Variants in ACER2 observed in about 807,000 individuals in gnomAD.
ACER2 encodes alkaline ceramidase 2, also known as alkCDase 2.
In ACER2, 26 loss-of-function variants were observed where a neutral mutation model predicts 34.7. That is an observed-to-expected ratio of 0.75 (90% CI 0.55 to 1.04). ACER2 has a LOEUF of 1.04. Ranked by LOEUF, ACER2 falls within the 50% of genes least tolerant of loss-of-function variation. The probability of loss-of-function intolerance (pLI) is 0.00; values close to 1 mark genes in which losing one functional copy is unlikely to be tolerated. For missense variants in ACER2, 352 were observed against 340.8 expected, an observed-to-expected ratio of 1.03 and a Z score of -0.26; for synonymous variants, 138 against 132.1, an observed-to-expected ratio of 1.04 and a Z score of -0.31.
At chr9:19,424,025 G>T (rs750587260) in intron 2 of ACER2, 49 bp downstream of exon 2, 10 of 1,388,000 alleles carry the variant, frequency 7.2e-6, no homozygotes, top group African/African-American at 1.4e-5. Context: ...GGTGGGATGG[G>T]GGTAGAAGGA....
intron 3 of ACER2, 43 bp from the exon 4 acceptor site, chr9:19,434,904 A>T: frequency 1.2e-6 from 2 of 1,609,718 alleles, no homozygotes; most frequent in Non-Finnish European, 1.7e-6. Context: ...AACAAACAAG[A>T]ACTCCTTTTC....
Position 19,409,039 on chromosome 9 carries a change from C to G in ACER2, c.-46C>G. 1 of 1,496,276 alleles carries G rather than the reference C, an allele frequency of 6.7e-7. No homozygotes were observed. The highest frequency in any genetic ancestry group is 9.0e-7 in the Non-Finnish European group (1 of 1,113,222). 92.7% of individuals were successfully genotyped at this position (1,496,276 alleles called of 1,614,324 possible). On this transcript the variant is annotated 5_prime_UTR_variant, in exon 1 of 6. Transcript: ENST00000340967. ...GTTTTGCCTCCGCAGCAGCTCTGGG[C>G]TCTTCTCAGCTGCGCGAGCAGCTGC...
At position 19,450,545 on chromosome 9, in the gene ACER2, A is replaced by T. The variant is rs778659170; in HGVS notation, c.737A>T (p.Lys246Met). Reference protein sequence around the residue: ...SEIPEQGPVIKFWPNEKWAFI... With the variant: ...SEIPEQGPVIMFWPNEKWAFI... ...ATTCCTGAGCAAGGCCCTGTCATCA[A>T]GTTCTGGCCCAATGAGAAATGGGCC... The change falls in exon 6 of 6, where the codon AAG becomes ATG. Residue 246 changes from lysine to methionine, a missense_variant. By Grantham distance (95) the Lys-to-Met change is moderately conservative (BLOSUM62 -1). Coordinates refer to ENST00000340967, the MANE Select transcript of ACER2 (RefSeq NM_001010887.3). The T allele has an allele frequency of 1.2e-6, 2 of 1,611,958 alleles. No homozygotes were observed. The highest frequency in any genetic ancestry group is 1.7e-6 in the Non-Finnish European group (2 of 1,178,322).
intron 1 of ACER2, among the ~76,000 whole-genome samples, chr9:19,420,489 C>T (rs971948679): frequency 6.6e-6 from 1 of 152,166 alleles, no homozygotes; most frequent in Admixed American, 6.6e-5. Flanking sequence ...CGCTTCATAT[C>T]TTCTAAAATA....
intron 4 of ACER2, among the ~76,000 whole-genome samples, chr9:19,438,777 TTTTG>T (rs980688148): frequency 7.9e-5 from 12 of 152,276 alleles, no homozygotes; most frequent in East Asian, 3.9e-4. Flanking sequence ...GGGAAAGGTT[TTTTG>T]TTTGTTTGTT....
At chr9:19,435,720 C>G (rs1377078869) in intron 4 of ACER2, among the ~76,000 whole-genome samples, 1 of 151,788 alleles carries the variant, frequency 6.6e-6, no homozygotes, top group Non-Finnish European at 1.5e-5. Flanking sequence ...CTGCTGTACT[C>G]CAGCCTGGGT....
At chr9:19,411,516 G>C (rs373635785) in intron 1 of ACER2, among the ~76,000 whole-genome samples, 18 of 152,194 alleles carry the variant, frequency 1.2e-4, no homozygotes, top group Admixed American at 3.9e-4. Context: ...GATTACAGGC[G>C]TGAGTCACCA....
rs922823255 is a variant in ACER2, at chr9:19,452,383, A to G, written c.*1747A>G. On this transcript the variant is annotated 3_prime_UTR_variant, in exon 6 of 6. Coordinates refer to ENST00000340967, the MANE Select transcript of ACER2 (RefSeq NM_001010887.3). The stretch of plus-strand genomic sequence containing the variant: ...GTTTAAAAATGAATGACTTTATGCT[A>G]CATCTGTGGTTATCAAATTATATAG... Among the ~76,000 whole-genome samples the G allele has an allele frequency of 2.6e-5, 4 of 152,232 alleles. No homozygotes were observed. The highest frequency in any genetic ancestry group is 6.5e-5 in the Admixed American group (1 of 15,288).
chr9:19,443,648 A>AGTTT (rs200934863), intron 4 of ACER2, among the ~76,000 whole-genome samples: 2,342 of 152,102 alleles, frequency 0.015, 23 homozygotes, highest in Non-Finnish European at 0.021. Flanking sequence ...ATTCTAGGCT[A>AGTTT]GTTTGTTTGT....
At chr9:19,442,176 A>T (rs1831177258) in intron 4 of ACER2, among the ~76,000 whole-genome samples, 1 of 152,166 alleles carries the variant, frequency 6.6e-6, no homozygotes, top group South Asian at 2.1e-4. Context: ...AGATACATTG[A>T]TATTTAAAAA....
rs779382872 is a variant in ACER2, at chr9:19,409,102, G to C, written c.18G>C (p.Trp6Cys). Reference sequence around the variant, plus strand: ...GAGTGGCCATGGGCGCCCCGCACTGGTGGGACCAGCTGCAGGCTGGTAGCT... The same window carrying C: ...GAGTGGCCATGGGCGCCCCGCACTGCTGGGACCAGCTGCAGGCTGGTAGCT... Reference protein sequence around the residue: MGAPHWWDQLQAGSSE... With the variant: MGAPHCWDQLQAGSSE... The change falls in exon 1 of 6, where the codon TGG becomes TGC. Residue 6 changes from tryptophan to cysteine, a missense_variant. Physicochemically the swap from Trp to Cys is radical, Grantham distance 215. Transcript: ENST00000340967. 80 of 1,599,114 alleles carry C rather than the reference G, an allele frequency of 5.0e-5. No homozygotes were observed. Among genetic ancestry groups the C allele is most frequent in the Admixed American group, 2.8e-4 (16 of 57,950 alleles).
chr9:19,440,772 C>G (rs994387811), intron 4 of ACER2, among the ~76,000 whole-genome samples: 4 of 152,162 alleles, frequency 2.6e-5, no homozygotes, highest in African/African-American at 9.7e-5. Flanking sequence ...TGGATGACTC[C>G]TAAACTTACG....
intron 1 of ACER2, among the ~76,000 whole-genome samples, chr9:19,419,286 T>A (rs1472556721): frequency 6.6e-6 from 1 of 152,236 alleles, no homozygotes; most frequent in African/African-American, 2.4e-5. Context: ...AAATGAAAAT[T>A]GACCACATTT....
At chr9:19,438,926 C>T (rs1176952924) in intron 4 of ACER2, among the ~76,000 whole-genome samples, 4 of 152,060 alleles carry the variant, frequency 2.6e-5, no homozygotes, top group Non-Finnish European at 4.4e-5. Flanking sequence ...GCTGAGATTA[C>T]AGGTGTGAGC....
chr9:19,441,048 C>CTTTT (rs539195950), intron 4 of ACER2, among the ~76,000 whole-genome samples: 1 of 138,920 alleles, frequency 7.2e-6, no homozygotes. Context: ...TTTTCTTTTT[C>CTTTT]TTTTTTTTTT....
Position 19,450,885 on chromosome 9 carries a change from A to G in ACER2, c.*249A>G, listed in dbSNP as rs7855804. ...TTCAGTATGTTAATATTTTTGTGCC[A>G]TACTGGTTTTAAACTTTCATGTTGT... On this transcript the variant is annotated 3_prime_UTR_variant, in exon 6 of 6. Transcript: ENST00000340967. 2,482 of 321,854 alleles carry G rather than the reference A, an allele frequency of 7.7e-3. 58 individuals are homozygous for G. The highest frequency in any genetic ancestry group is 0.047 in the African/African-American group (2,227 of 47,148). 19.9% of individuals were successfully genotyped at this position (321,854 alleles called of 1,614,324 possible).
chr9:19,441,114 C>T (rs1162278289), intron 4 of ACER2, among the ~76,000 whole-genome samples: 1 of 147,934 alleles, frequency 6.8e-6, no homozygotes, highest in Admixed American at 6.9e-5. Flanking sequence ...GTGGCATGAT[C>T]TCACAGCTCA....
intron 3 of ACER2, among the ~76,000 whole-genome samples, chr9:19,434,573 C>T (rs571020110): frequency 6.6e-6 from 1 of 152,364 alleles, no homozygotes; most frequent in Admixed American, 6.5e-5. Flanking sequence ...GAGCTGGAGA[C>T]CAGCCTGGCC....
intron 4 of ACER2, among the ~76,000 whole-genome samples, chr9:19,438,244 A>T (rs1191352657): frequency 1.3e-5 from 2 of 152,250 alleles, no homozygotes; most frequent in Non-Finnish European, 2.9e-5. Flanking sequence ...GTAAGGATTA[A>T]ATAAGATATT....
Sources: gnomAD v4.1 joint callset for allele counts (sites outside exome capture counted in the v4.1 genomes callset) on GRCh38, gnomAD v4.1.1 for gene constraint, MANE v1.5 for transcripts, NCBI Gene and HGNC (gene_info 2026-07-23, HGNC 2026-07-21) for gene names.